The following ZFYVE16 variants were observed in gnomAD, a reference collection of about 807,000 sequenced individuals.
ZFYVE16 encodes zinc finger FYVE-type containing 16.
Under a neutral mutation model 138.1 loss-of-function variants are expected in ZFYVE16, and 89 were observed. The ratio of observed to expected loss-of-function variants is 0.64; its 90% CI spans 0.54 to 0.77. The LOEUF is 0.77. Among genes scored for constraint, ZFYVE16 ranks in the 30% least tolerant of loss-of-function variants. The probability of loss-of-function intolerance (pLI) is 0.00; values close to 1 mark genes in which losing one functional copy is unlikely to be tolerated. For synonymous variants in ZFYVE16, 596 were observed against 618.3 expected, an observed-to-expected ratio of 0.96 and a Z score of 0.53; for missense variants, 1,793 against 1,786.7, an observed-to-expected ratio of 1.00 and a Z score of -0.06.
At chr5:80,452,344 A>C (rs1047003845) in intron 11 of ZFYVE16, 1 of 147,464 alleles carries the variant, frequency 6.8e-6, no homozygotes, top group Non-Finnish European at 1.5e-5. Context: ...CTGAGGCAGG[A>C]GAATCACCTG....
At chr5:80,431,704 A>C (rs1038330191) in intron 2 of ZFYVE16, among the ~76,000 whole-genome samples, 44 of 152,220 alleles carry the variant, frequency 2.9e-4, no homozygotes, top group Non-Finnish European at 4.6e-4. Context: ...GTCTCAGCCC[A>C]AAATCTCCTT....
chr5:80,441,070 ATAGTTGT>A (rs1446744390), intron 5 of ZFYVE16: 1 of 985,264 alleles, frequency 1.0e-6, no homozygotes, highest in Non-Finnish European at 1.2e-6. Flanking sequence ...TTAAGTGCTT[ATAGTTGT>A]TTTGTTTTTT....
chr5:80,477,101 C>G, intron 18 of ZFYVE16, 118 bp from the exon 19 acceptor site: 1 of 805,930 alleles, frequency 1.2e-6, no homozygotes. Context: ...ATAAATATAT[C>G]AAATATTTTA....
Position 80,479,602 on chromosome 5 carries a change from T to C in ZFYVE16, c.*2225T>C, listed in dbSNP as rs916211033. ...TGGGAAACTACTTGTTTCTGAAAAT[T>C]GCATGCTAGGATATTTACATCATGT... On this transcript the variant is annotated 3_prime_UTR_variant, in exon 19 of 19. Transcript: ENST00000505560. Among the ~76,000 whole-genome samples the C allele has an allele frequency of 6.6e-5, 10 of 152,176 alleles. No homozygotes were observed. Among genetic ancestry groups the C allele is most frequent in the African/African-American group, 2.4e-4 (10 of 41,442 alleles).
At position 80,482,763 on chromosome 5, in the gene ZFYVE16, A is replaced by G. The variant is rs1478015922; in HGVS notation, c.*5386A>G. 1 of 152,236 alleles carries G rather than the reference A, an allele frequency of 6.6e-6. No homozygotes were observed. The highest frequency in any genetic ancestry group is 1.5e-5 in the Non-Finnish European group (1 of 68,026). The allele number at this position is 152,236 out of a possible 1,614,324, so 9.4% of individuals were successfully genotyped here. A position where few individuals can be genotyped will look rare whatever the true frequency, so the allele number is the denominator to read the frequency against. On this transcript the variant is annotated 3_prime_UTR_variant, in exon 19 of 19. Coordinates refer to ENST00000505560, the MANE Select transcript of ZFYVE16 (RefSeq NM_001284236.3). ...AGAAACCATGGAGCAACATTTATAA[A>G]GTGCTTTTAAAAAGCAACAAAACTG...
chr5:80,431,989 C>T (rs1200983527), intron 2 of ZFYVE16, among the ~76,000 whole-genome samples: 6 of 152,102 alleles, frequency 3.9e-5, no homozygotes, highest in African/African-American at 9.7e-5. Flanking sequence ...GAATCAATAT[C>T]GTGAAAATGG....
intron 15 of ZFYVE16, among the ~76,000 whole-genome samples, chr5:80,463,899 A>C (rs556827083): frequency 6.6e-6 from 1 of 152,326 alleles, no homozygotes; most frequent in East Asian, 1.9e-4. Flanking sequence ...CTCTTTGCCA[A>C]AGCATAGCAA....
chr5:80,459,217 C>T (rs1364994983), intron 14 of ZFYVE16, among the ~76,000 whole-genome samples, 197 bp from the exon 15 acceptor site: 3 of 152,142 alleles, frequency 2.0e-5, no homozygotes, highest in East Asian at 1.9e-4. Context: ...CATGAGCCAC[C>T]GCGCCCAGCC....
In ZFYVE16 at chr5:80,412,393, G is replaced by GAGTA. The variant is rs528083595; in HGVS notation, c.-94+4241_-94+4244dup. The stretch of plus-strand genomic sequence containing the variant: ...ACATAAATAAACCTATTTTAAAAGG[G>GAGTA]AGTATATCTTATATTTCTTTTATGT... On this transcript the variant is annotated intron_variant, in intron 1 of 18. Transcript: ENST00000505560. Among the ~76,000 whole-genome samples the GAGTA allele has an allele frequency of 2.9e-3, 445 of 152,046 alleles. 2 individuals are homozygous for GAGTA. The highest frequency in any genetic ancestry group is 0.01 in the African/African-American group (427 of 41,472).
intron 1 of ZFYVE16, among the ~76,000 whole-genome samples, chr5:80,416,423 T>A (rs895157454): frequency 6.6e-6 from 1 of 151,736 alleles, no homozygotes; most frequent in Admixed American, 6.6e-5. Flanking sequence ...GCCCGGCTAA[T>A]TTTTGTGTTT....
intron 10 of ZFYVE16, 31 bp downstream of exon 10, chr5:80,450,617 T>C (rs779427569): frequency 1.3e-6 from 2 of 1,595,454 alleles, no homozygotes; most frequent in East Asian, 2.3e-5. Context: ...CTGTTCAGAC[T>C]GGGGAATGGA....
intron 1 of ZFYVE16, among the ~76,000 whole-genome samples, chr5:80,413,758 T>A (rs1352909897): frequency 1.3e-5 from 2 of 152,216 alleles, no homozygotes; most frequent in African/African-American, 2.4e-5. Flanking sequence ...TGAGAAAGGC[T>A]GCTCCAGAGT....
chr5:80,465,899 A>AACATCT (rs1353281705), intron 15 of ZFYVE16, among the ~76,000 whole-genome samples: 2 of 151,110 alleles, frequency 1.3e-5, no homozygotes, highest in African/African-American at 4.9e-5. Flanking sequence ...TGTTCAGATT[A>AACATCT]GTGTTTTTCA....
Position 80,474,577 on chromosome 5 carries a change from G to A in ZFYVE16, c.4294-86G>A, listed in dbSNP as rs1754704803. ...AATGCTTTTCATGGTACTTACATTG[G>A]AATTTAATTAAACTTGAAAGCAGCA... On this transcript the variant is annotated intron_variant, in intron 17 of 18. Transcript: ENST00000505560. The A allele has an allele frequency of 3.8e-6, 5 of 1,320,552 alleles. No homozygotes were observed. In the East Asian group the frequency reaches 9.3e-5, roughly 24 times the overall value. 81.8% of individuals were successfully genotyped at this position (1,320,552 alleles called of 1,614,324 possible).
intron 15 of ZFYVE16, among the ~76,000 whole-genome samples, chr5:80,465,188 C>T (rs1753552251): frequency 6.6e-6 from 1 of 151,952 alleles, no homozygotes. Flanking sequence ...GTGTGAGGGA[C>T]TTCCTTTAGT....
intron 1 of ZFYVE16, among the ~76,000 whole-genome samples, chr5:80,418,990 T>C (rs1746668802): frequency 6.6e-6 from 1 of 152,064 alleles, no homozygotes; most frequent in Non-Finnish European, 1.5e-5. Context: ...GTCCAGTTTT[T>C]TCAGCACCTG....
At position 80,417,584 on chromosome 5, in the gene ZFYVE16, G is replaced by A. The variant is rs183993585; in HGVS notation, c.-94+9431G>A. Among the ~76,000 whole-genome samples, 974 of 152,248 alleles carry A rather than the reference G, an allele frequency of 6.4e-3. 9 individuals are homozygous for A. Among genetic ancestry groups the A allele is most frequent in the South Asian group, 0.02 (95 of 4,824 alleles). The stretch of plus-strand genomic sequence containing the variant: ...TAGAATGTTACATAATTAGAATCAT[G>A]TAGTATGTAAATTCTTTCACTTGGC... On this transcript the variant is annotated intron_variant, in intron 1 of 18. Coordinates refer to ENST00000505560, the MANE Select transcript of ZFYVE16 (RefSeq NM_001284236.3).
chr5:80,412,334 A>G (rs1745570585), intron 1 of ZFYVE16, among the ~76,000 whole-genome samples: 1 of 152,190 alleles, frequency 6.6e-6, no homozygotes, highest in Non-Finnish European at 1.5e-5. Flanking sequence ...TAGCCAAGTG[A>G]GTAAAAATAC....
chr5:80,474,085 G>A (rs1453750212), intron 17 of ZFYVE16, among the ~76,000 whole-genome samples: 2 of 152,046 alleles, frequency 1.3e-5, no homozygotes, highest in Non-Finnish European at 2.9e-5. Flanking sequence ...CAGCTGTGTT[G>A]GCAGCATTGC....
Sources: allele counts gnomAD v4.1 joint callset (sites outside exome capture counted in the v4.1 genomes callset), GRCh38; gene constraint gnomAD v4.1.1; transcripts MANE v1.5; gene names NCBI Gene and HGNC (gene_info 2026-07-23, HGNC 2026-07-21).